Variants in TNPO1 observed in about 807,000 individuals in gnomAD.
The protein encoded by TNPO1 is transportin 1.
A neutral mutation model predicts 119.5 loss-of-function variants in TNPO1; 8 were observed. The observed-to-expected ratio is 0.07, with a 90% CI of 0.04 to 0.12. TNPO1 has a LOEUF of 0.12. TNPO1 is among the 10% of genes least tolerant of loss of function. The probability of loss-of-function intolerance (pLI) is 1.00; values close to 1 mark genes in which losing one functional copy is unlikely to be tolerated. For missense variants in TNPO1, 576 were observed against 1,089.8 expected (o/e 0.53, Z 6.64); for synonymous variants, 362 against 363.0 (o/e 1.00, Z 0.03).
intron 12 of TNPO1, among the ~76,000 whole-genome samples, chr5:72,887,489 C>A (rs1046505444): frequency 2.0e-5 from 3 of 152,130 alleles, no homozygotes; most frequent in Admixed American, 1.3e-4. Context: ...GGTTTCAAGA[C>A]CAGCCTGGTT....
chr5:72,864,987 T>C (rs1159648154), intron 5 of TNPO1, among the ~76,000 whole-genome samples: 6 of 152,240 alleles, frequency 3.9e-5, no homozygotes, highest in African/African-American at 1.4e-4. Flanking sequence ...TACTCTTCTA[T>C]GTAAATGTAG....
chr5:72,858,753 C>T (rs1746192945), intron 4 of TNPO1, among the ~76,000 whole-genome samples: 1 of 151,952 alleles, frequency 6.6e-6, no homozygotes, highest in Non-Finnish European at 1.5e-5. Context: ...AGGAGAATGG[C>T]ATGAACCCGG....
chr5:72,873,420 A>AG (rs926862046), intron 7 of TNPO1, among the ~76,000 whole-genome samples: 5 of 152,104 alleles, frequency 3.3e-5, no homozygotes, highest in South Asian at 2.1e-4. Context: ...AAGGAAGAGT[A>AG]GGGGGGGTTA....
Position 72,865,700 on chromosome 5 carries a change from G to A in TNPO1, c.567G>A (p.Gln189=). Residue 189 remains glutamine (Q), a synonymous_variant, in exon 6 of 25, where the codon CAG becomes CAA. Coordinates refer to ENST00000337273, the MANE Select transcript of TNPO1 (RefSeq NM_002270.4). ...ACATCATGATTCCCAAATTTTTACA[G>A]TTCTTCAAGCATAGTAGTCCAAAAA... The part of the protein sequence containing the change: ...PLNIMIPKFL[Q]FFKHSSPKIR... 6.2e-7 allele frequency: 1 copy of A among 1,613,824 alleles called. No individual in the cohort carries two copies. The highest frequency in any genetic ancestry group is 1.7e-4 in the Middle Eastern group (1 of 6,060).
chr5:72,882,052 G>C (rs1397475417), intron 9 of TNPO1, among the ~76,000 whole-genome samples: 1 of 152,116 alleles, frequency 6.6e-6, no homozygotes, highest in Admixed American at 6.6e-5. Context: ...TGTTGATAAA[G>C]ATCATCAGTG....
At chr5:72,835,946 A>G (rs1744676847) in intron 1 of TNPO1, among the ~76,000 whole-genome samples, 1 of 152,254 alleles carries the variant, frequency 6.6e-6, no homozygotes, top group Admixed American at 6.5e-5. Context: ...TTAAGGCTCC[A>G]GAATAATCTT....
rs1233482620 is a variant in TNPO1, at chr5:72,913,468, G to A, written c.*4795G>A. ...TTTAAAAGATGCATAATAGCTGAAT[G>A]TATGCATGACTTTGAAAGAAGTTAA... On this transcript the variant is annotated 3_prime_UTR_variant, in exon 25 of 25. Coordinates refer to ENST00000337273, the MANE Select transcript of TNPO1 (RefSeq NM_002270.4). 1 of 152,454 alleles carries A rather than the reference G, an allele frequency of 6.6e-6. No individual in the cohort carries two copies. Among genetic ancestry groups the A allele is most frequent in the Non-Finnish European group, 1.5e-5 (1 of 67,938 alleles). 9.4% of individuals were successfully genotyped at this position (152,454 alleles called of 1,614,324 possible).
chr5:72,866,109 G>A (rs897795473), intron 6 of TNPO1, among the ~76,000 whole-genome samples: 1 of 152,170 alleles, frequency 6.6e-6, no homozygotes, highest in African/African-American at 2.4e-5. Context: ...TTACAAAGGC[G>A]TATTGCGTGG....
chr5:72,890,821 A>G (rs919707913), intron 14 of TNPO1, among the ~76,000 whole-genome samples: 1 of 152,172 alleles, frequency 6.6e-6, no homozygotes, highest in African/African-American at 2.4e-5. Flanking sequence ...CTATATAGTA[A>G]CAGCCATATT....
chr5:72,909,333 A>G lies in TNPO1; in HGVS notation c.*660A>G, dbSNP rs1190672468. The G allele has an allele frequency of 6.7e-6, 1 of 150,206 alleles. No individual in the cohort carries two copies. Among genetic ancestry groups the G allele is most frequent in the East Asian group, 2.0e-4 (1 of 5,032 alleles). 9.3% of individuals were successfully genotyped at this position (150,206 alleles called of 1,614,324 possible). On this transcript the variant is annotated 3_prime_UTR_variant, in exon 25 of 25. Transcript: ENST00000337273. ...ACAAAACAAACATAAACAATGAAGC[A>G]CCCTGTGAAATGCCAAATGAGTCAC...
At chr5:72,865,550 G>T in intron 5 of TNPO1, 46 bp from the exon 6 acceptor site, 1 of 1,599,902 alleles carries the variant, frequency 6.3e-7, no homozygotes, top group Non-Finnish European at 8.5e-7. Context: ...TTTTCAAATG[G>T]CTTCATTTTT....
intron 6 of TNPO1, chr5:72,871,796 G>C (rs1343640753): frequency 6.6e-6 from 1 of 152,178 alleles, no homozygotes; most frequent in Non-Finnish European, 1.5e-5. Flanking sequence ...TTGAAGTTAG[G>C]GGGTAAGGGA....
In TNPO1 at chr5:72,900,198, A is replaced by G; in HGVS notation, c.2414+117A>G. ...AAATCACAATCCTTTATCATTGCCA[A>G]CCATGTGACTAATCTTGTCCTATCA... On this transcript the variant is annotated intron_variant, in intron 21 of 24. Coordinates refer to ENST00000337273, the MANE Select transcript of TNPO1 (RefSeq NM_002270.4). 2.4e-6 allele frequency: 2 copies of G among 830,432 alleles called. 1 individual carries two copies. The highest frequency in any genetic ancestry group is 3.4e-5 in the South Asian group (2 of 58,784). 51.4% of individuals were successfully genotyped at this position (830,432 alleles called of 1,614,324 possible).
intron 1 of TNPO1, among the ~76,000 whole-genome samples, chr5:72,847,871 T>A (rs866678397): frequency 6.6e-6 from 1 of 152,246 alleles, no homozygotes; most frequent in Non-Finnish European, 1.5e-5. Flanking sequence ...TCAGGGAAAT[T>A]AACAACCTTT....
rs780285368 is a variant in TNPO1, at chr5:72,872,672, C to T, written c.630C>T (p.Ile210=). The part of the protein sequence containing the change: ...SHAVACVNQF[I]ISRTQALMLH... ...CTGTTGCATGTGTCAATCAGTTTAT[C>T]ATCAGTAGGACTCAAGCTCTAATGT... The change falls in exon 7 of 25, where the codon ATC becomes ATT. Residue 210 remains isoleucine, a synonymous_variant. Transcript: ENST00000337273. 3 of 1,611,036 alleles carry T rather than the reference C, an allele frequency of 1.9e-6. No individual in the cohort carries two copies. The highest frequency in any genetic ancestry group is 2.5e-6 in the Non-Finnish European group (3 of 1,178,618).
At chr5:72,855,714 T>C (rs531443134) in intron 3 of TNPO1, 60 bp from the exon 4 acceptor site, 17 of 1,400,740 alleles carry the variant, frequency 1.2e-5, no homozygotes, top group Admixed American at 9.2e-5. Flanking sequence ...TTAAAACTTA[T>C]CGGCACATTT....
In TNPO1 at chr5:72,913,772, C is replaced by T. The variant is rs979623581; in HGVS notation, c.*5099C>T. 1 of 152,514 alleles carries T rather than the reference C, an allele frequency of 6.6e-6. No homozygotes were observed. The highest frequency in any genetic ancestry group is 2.4e-5 in the African/African-American group (1 of 41,434). 9.4% of individuals were successfully genotyped at this position (152,514 alleles called of 1,614,324 possible). A position where few individuals can be genotyped will look rare whatever the true frequency, so the allele number is the denominator to read the frequency against. ...TAAAGGGGTTCCACTGTACTTTCCG[C>T]ATATTACTGTGTTGTTGTTTTCCTT... On this transcript the variant is annotated 3_prime_UTR_variant, in exon 25 of 25. Coordinates refer to ENST00000337273, the MANE Select transcript of TNPO1 (RefSeq NM_002270.4).
chr5:72,842,781 G>T (rs155432), intron 1 of TNPO1, among the ~76,000 whole-genome samples: 125,264 of 152,228 alleles, frequency 0.82, 51,783 homozygotes, highest in Non-Finnish European at 0.86. Flanking sequence ...CCTTCCCCAT[G>T]TCTAGGAGGA....
chr5:72,867,994 GTC>G (rs888090481), intron 6 of TNPO1, among the ~76,000 whole-genome samples: 83 of 152,150 alleles, frequency 5.5e-4, no homozygotes, highest in African/African-American at 1.9e-3. Flanking sequence ...TCTTGTTGTT[GTC>G]TCTTCCTTTT....
Sources: allele counts gnomAD v4.1 joint callset (sites outside exome capture counted in the v4.1 genomes callset), GRCh38; gene constraint gnomAD v4.1.1; transcripts MANE v1.5; gene names NCBI Gene and HGNC (gene_info 2026-07-23, HGNC 2026-07-21).